CLVS2: variants seen among roughly 807,000 people sequenced by gnomAD.
CLVS2 encodes the protein clavesin 2, also known as clavesin-2.
CLVS2 carries 19 observed loss-of-function variants against 29.0 expected under a neutral mutation model. The ratio of observed to expected loss-of-function variants is 0.66; its 90% CI spans 0.46 to 0.96. CLVS2 has a LOEUF of 0.96. Ranked by LOEUF, CLVS2 falls within the 40% of genes least tolerant of loss-of-function variation. CLVS2 has a pLI of 0.00. For synonymous variants in CLVS2, 161 were observed against 151.3 expected (o/e 1.06, Z -0.47); for missense variants, 294 against 404.1 (o/e 0.73, Z 2.34).
intron 4 of CLVS2, among the ~76,000 whole-genome samples, chr6:123,054,331 G>A (rs879621622): frequency 9.2e-5 from 14 of 152,198 alleles, no homozygotes; most frequent in Non-Finnish European, 1.3e-4. Flanking sequence ...TCAGACAGGA[G>A]AGGGAAGGTG....
At chr6:123,017,758 C>A (rs1339787332) in intron 3 of CLVS2, among the ~76,000 whole-genome samples, 1 of 152,020 alleles carries the variant, frequency 6.6e-6, no homozygotes, top group Non-Finnish European at 1.5e-5. Context: ...TGATAATGGA[C>A]TAGATTAATT....
intron 3 of CLVS2, among the ~76,000 whole-genome samples, chr6:123,036,381 C>A (rs1582656671): frequency 6.6e-6 from 1 of 152,144 alleles, no homozygotes; most frequent in Admixed American, 6.5e-5. Context: ...TCCAATTAAC[C>A]AAAATTAATA....
intron 2 of CLVS2, among the ~76,000 whole-genome samples, chr6:122,999,330 A>AT (rs990355659): frequency 1.8e-4 from 28 of 152,038 alleles, no homozygotes; most frequent in Non-Finnish European, 4.0e-4. Context: ...ATTTTTAATT[A>AT]TTTTTTCTCT....
At position 123,068,963 on chromosome 6, in the gene CLVS2, T is replaced by G. The variant is rs1224339631; in HGVS notation, c.*5202T>G. 6.6e-6 allele frequency: 1 copy of G among 151,710 alleles called. No individual in the cohort carries two copies. Among genetic ancestry groups the G allele is most frequent in the Non-Finnish European group, 1.5e-5 (1 of 67,760 alleles). The allele number at this position is 151,710 out of a possible 1,614,324, so 9.4% of individuals were successfully genotyped here. ...ATCTGCTGCATCTATAAAATGGAGA[T>G]TTCTTTAAAAAATCGTCTAAAAATT... On this transcript the variant is annotated 3_prime_UTR_variant, in exon 6 of 6. Transcript: ENST00000275162.
chr6:122,997,580 C>G lies in CLVS2; in HGVS notation c.-198C>G. On this transcript the variant is annotated 5_prime_UTR_variant, in exon 2 of 6. Coordinates refer to ENST00000275162, the MANE Select transcript of CLVS2 (RefSeq NM_001010852.4). The stretch of plus-strand genomic sequence containing the variant: ...GGCAGAGGAAGAAGTTTACACCCCC[C>G]GGCCCCCCCAGCTTTGCTGGGGGAA... 1.6e-6 allele frequency: 1 copy of G among 610,748 alleles called. No homozygotes were observed. The allele number at this position is 610,748 out of a possible 1,614,324, so 37.8% of individuals were successfully genotyped here.
chr6:123,049,086 T>G (rs1772565266), intron 4 of CLVS2, among the ~76,000 whole-genome samples: 1 of 152,212 alleles, frequency 6.6e-6, no homozygotes. Flanking sequence ...TAATTTTATA[T>G]GCTGGTAAGT....
At chr6:123,019,912 G>T (rs1944912507) in intron 3 of CLVS2, among the ~76,000 whole-genome samples, 1 of 152,024 alleles carries the variant, frequency 6.6e-6, no homozygotes, top group South Asian at 2.1e-4. Context: ...TCAAAGGCAG[G>T]AGATGATCAG....
intron 2 of CLVS2, among the ~76,000 whole-genome samples, chr6:123,010,352 GAAAACAAAAC>G (rs752685372): frequency 6.6e-6 from 1 of 151,908 alleles, no homozygotes; most frequent in South Asian, 2.1e-4. Flanking sequence ...GTGAAAAGCA[GAAAACAAAAC>G]AAAACAAAAC....
In CLVS2 at chr6:123,063,893, G is replaced by T; in HGVS notation, c.*132G>T. 1 of 544,270 alleles carries T rather than the reference G, an allele frequency of 1.8e-6. No individual in the cohort carries two copies. 33.7% of individuals were successfully genotyped at this position (544,270 alleles called of 1,614,324 possible). A position where few individuals can be genotyped will look rare whatever the true frequency, so the allele number is the denominator to read the frequency against. On this transcript the variant is annotated 3_prime_UTR_variant, in exon 6 of 6. Coordinates refer to ENST00000275162, the MANE Select transcript of CLVS2 (RefSeq NM_001010852.4). ...TTAATGTAGCATAATATATAACAAG[G>T]CATCAGGCTTTCCTTGGCCTGAACC...
chr6:123,046,673 A>T (rs1438249081), intron 3 of CLVS2, among the ~76,000 whole-genome samples: 3 of 150,550 alleles, frequency 2.0e-5, no homozygotes, highest in Non-Finnish European at 4.4e-5. Flanking sequence ...AAAAAAAAAA[A>T]TAATAATAAT....
rs932998254 is a variant in CLVS2 at position 123,069,121 on chromosome 6, A to T, written c.*5360A>T. 11 of 151,762 alleles carry T rather than the reference A, an allele frequency of 7.2e-5. No individual in the cohort carries two copies. The highest frequency in any genetic ancestry group is 2.7e-4 in the African/African-American group (11 of 41,406). 9.4% of individuals were successfully genotyped at this position (151,762 alleles called of 1,614,324 possible). A position where few individuals can be genotyped will look rare whatever the true frequency, so the allele number is the denominator to read the frequency against. The stretch of plus-strand genomic sequence containing the variant: ...TTTGTTTCATCAAAATGACGTATTC[A>T]ATATTCTATAACTTCTAGTCAAACT... On this transcript the variant is annotated 3_prime_UTR_variant, in exon 6 of 6. Coordinates refer to ENST00000275162, the MANE Select transcript of CLVS2 (RefSeq NM_001010852.4).
intron 3 of CLVS2, among the ~76,000 whole-genome samples, chr6:123,042,275 C>G (rs1383798123): frequency 6.6e-6 from 1 of 152,006 alleles, no homozygotes; most frequent in East Asian, 1.9e-4. Context: ...ATCTTTTTTT[C>G]TCTTTTCTCT....
At chr6:123,043,271 T>C (rs774535029) in intron 3 of CLVS2, among the ~76,000 whole-genome samples, 2 of 152,144 alleles carry the variant, frequency 1.3e-5, no homozygotes, top group African/African-American at 4.8e-5. Context: ...TTATGAATGA[T>C]TTTTTTAAAT....
At chr6:123,063,036 T>G (rs1431060387) in intron 5 of CLVS2, among the ~76,000 whole-genome samples, 1 of 152,226 alleles carries the variant, frequency 6.6e-6, no homozygotes, top group African/African-American at 2.4e-5. Context: ...CATAAACTGT[T>G]GCTGCCTAAA....
At position 123,066,433 on chromosome 6, in the gene CLVS2, C is replaced by T. The variant is rs1772856912; in HGVS notation, c.*2672C>T. 6.6e-6 allele frequency: 1 copy of T among 151,400 alleles called. No individual in the cohort carries two copies. Among genetic ancestry groups the T allele is most frequent in the Non-Finnish European group, 1.5e-5 (1 of 67,604 alleles). The allele number at this position is 151,400 out of a possible 1,614,324, so 9.4% of individuals were successfully genotyped here. A position where few individuals can be genotyped will look rare whatever the true frequency, so the allele number is the denominator to read the frequency against. The stretch of plus-strand genomic sequence containing the variant: ...TTGCCCTAATGAATTTTCCTCTGTA[C>T]TTCGAGAGCTATTTTAGTTGTCTTG... On this transcript the variant is annotated 3_prime_UTR_variant, in exon 6 of 6. Transcript: ENST00000275162.
intron 3 of CLVS2, among the ~76,000 whole-genome samples, chr6:123,018,685 T>TAA (rs386408487): frequency 0.022 from 3,184 of 143,238 alleles, 55 homozygotes; most frequent in African/African-American, 0.038. Context: ...TTTTTTTTTT[T>TAA]AAAAAAAAGT....
At chr6:123,038,977 C>G (rs763200238) in intron 3 of CLVS2, among the ~76,000 whole-genome samples, 8 of 152,074 alleles carry the variant, frequency 5.3e-5, no homozygotes, top group Admixed American at 1.3e-4. Context: ...AATATTTTAC[C>G]AGTGTATGGC....
intron 2 of CLVS2, among the ~76,000 whole-genome samples, chr6:123,008,693 T>TA (rs1774705781): frequency 6.6e-6 from 1 of 151,266 alleles, no homozygotes; most frequent in East Asian, 1.9e-4. Context: ...AACTTTTTTT[T>TA]TTTGGTGGGG....
rs55834961 is a variant in CLVS2 at position 123,017,788 on chromosome 6, T to C, written c.564+6629T>C. 4.0e-3 allele frequency among the ~76,000 whole-genome samples: 612 copies of C among 152,236 alleles called. 3 individuals carry two copies. The highest frequency in any genetic ancestry group is 0.014 in the African/African-American group (572 of 41,554). On this transcript the variant is annotated intron_variant, in intron 3 of 5. Coordinates refer to ENST00000275162, the MANE Select transcript of CLVS2 (RefSeq NM_001010852.4). ...TTAATTCTGTACATATGCCTATGTATGTACATATAATTGATGTATTTTTCT... is the reference window on the plus strand; with the variant it reads ...TTAATTCTGTACATATGCCTATGTACGTACATATAATTGATGTATTTTTCT...
Sources: allele counts gnomAD v4.1 joint callset (sites outside exome capture counted in the v4.1 genomes callset), GRCh38; gene constraint gnomAD v4.1.1; transcripts MANE v1.5; gene names NCBI Gene and HGNC (gene_info 2026-07-23, HGNC 2026-07-21).